Variants in FRMD8 observed in about 807,000 individuals in gnomAD.
The protein encoded by FRMD8 is FERM domain containing 8, also known as FERM domain-containing protein 8.
FRMD8 carries 37 observed loss-of-function variants against 54.2 expected under a neutral mutation model. The observed-to-expected ratio is 0.68, with a 90% CI of 0.53 to 0.90. The LOEUF is 0.90. FRMD8 is among the 40% of genes least tolerant of loss of function. The pLI is 0.00. For synonymous variants in FRMD8, 246 were observed against 286.9 expected (o/e 0.86, Z 1.44); for missense variants, 585 against 653.7 (o/e 0.89, Z 1.15).
At chr11:65,389,653 A>G in intron 3 of FRMD8, 125 bp downstream of exon 3, 1 of 1,023,360 alleles carries the variant, frequency 9.8e-7, no homozygotes, top group Non-Finnish European at 1.4e-6. Flanking sequence ...GAAAGGTGGG[A>G]CTTGGGTTTA....
chr11:65,369,574 C>T, the FRMD8 span, among the ~76,000 whole-genome samples: 3 of 150,184 alleles, frequency 2.0e-5, no homozygotes, highest in Non-Finnish European at 3.0e-5. Flanking sequence ...ACTAAAAATA[C>T]AAAAAATTAG....
Position 65,409,269 on chromosome 11 carries a change from TAG to T in FRMD8, c.1277-1969_1277-1968del, listed in dbSNP as rs1263529474. Among the ~76,000 whole-genome samples the T allele has an allele frequency of 7.2e-5, 11 of 152,166 alleles. No individual in the cohort carries two copies. The South Asian group carries it at 2.3e-3, about 32-fold the overall frequency. On this transcript the variant is annotated intron_variant, in intron 10 of 10. Transcript: ENST00000317568. Reference sequence around the variant, plus strand: ...GCCCGATCAATTTTTGTATCTTTAGTAGAGACAGGGTTTCGCCATGTTGGCCA... The same window carrying T: ...GCCCGATCAATTTTTGTATCTTTAGTAGACAGGGTTTCGCCATGTTGGCCA...
In FRMD8 at chr11:65,400,643, G is replaced by A. The variant is rs565760766; in HGVS notation, c.928-81G>A. Reference sequence around the variant, plus strand: ...CAGCCTTGGAGAGGCACACACCCTGGCCAGGTGTCTGAGTGGGATGGGGTG... The same window carrying A: ...CAGCCTTGGAGAGGCACACACCCTGACCAGGTGTCTGAGTGGGATGGGGTG... On this transcript the variant is annotated intron_variant, in intron 8 of 10. Transcript: ENST00000317568. The surrounding 1 kb of genome is among the most constrained non-coding windows in gnomAD (Gnocchi z 4.3). 1.4e-5 allele frequency: 20 copies of A among 1,390,832 alleles called. No individual in the cohort carries two copies. Among genetic ancestry groups the A allele is most frequent in the Admixed American group, 5.5e-5 (2 of 36,664 alleles). 86.2% of individuals were successfully genotyped at this position (1,390,832 alleles called of 1,614,324 possible). A position where few individuals can be genotyped will look rare whatever the true frequency, so the allele number is the denominator to read the frequency against.
the FRMD8 span, among the ~76,000 whole-genome samples, chr11:65,372,843 C>T: frequency 1.3e-5 from 2 of 152,198 alleles, no homozygotes; most frequent in Non-Finnish European, 1.5e-5. Context: ...CTTCCAGCCA[C>T]GGGCTGCCCA....
At chr11:65,387,384 G>T (rs1033689946) in intron 2 of FRMD8, 3 of 619,288 alleles carry the variant, frequency 4.8e-6, no homozygotes, top group African/African-American at 3.7e-5. Context: ...AATGAAAAGT[G>T]AAGGCTGATG....
In FRMD8 at chr11:65,404,934, A is replaced by G. The variant is rs774004540; in HGVS notation, c.1142A>G (p.Gln381Arg). Residue 381 changes from glutamine to arginine, a missense_variant, in exon 10 of 11, where the codon CAG becomes CGG. Coordinates refer to ENST00000317568, the MANE Select transcript of FRMD8 (RefSeq NM_031904.5). The surrounding 1 kb of genome is among the most constrained non-coding windows in gnomAD (Gnocchi z 4.7). ...CAGGCGGCGGAGCCCGCAGGCCCCC[A>G]GGACAGTGCGACTGGCTCGCCCTCG... ...LSQAAEPAGP[Q>R]DSATGSPSDP... 13 of 1,613,288 alleles carry G rather than the reference A, an allele frequency of 8.1e-6. No homozygotes were observed. The South Asian group carries it at 1.4e-4, about 18-fold the overall frequency.
the FRMD8 span, among the ~76,000 whole-genome samples, chr11:65,373,327 CTTGTGTT>C: frequency 5.9e-5 from 9 of 152,224 alleles, no homozygotes; most frequent in African/African-American, 2.2e-4. Context: ...TCAGGTGGAC[CTTGTGTT>C]TTCCATAGGA....
rs1856151891 is a variant in FRMD8 at position 65,404,646 on chromosome 11, C to G, written c.1072-218C>G. ...TGACCAGAATGTTCTTTCTTTCCCA[C>G]CTGAACTCCCAGATCTGGAGACCCC... is the stretch of plus-strand genomic sequence containing the variant. On this transcript the variant is annotated intron_variant, in intron 9 of 10. Transcript: ENST00000317568. The surrounding 1 kb of genome is among the most constrained non-coding windows in gnomAD (Gnocchi z 4.7). Among the ~76,000 whole-genome samples the G allele has an allele frequency of 6.6e-6, 1 of 152,142 alleles. No homozygotes were observed. Among genetic ancestry groups the G allele is most frequent in the Non-Finnish European group, 1.5e-5 (1 of 68,028 alleles).
At chr11:65,374,578 A>T in the FRMD8 span, among the ~76,000 whole-genome samples, 1 of 152,200 alleles carries the variant, frequency 6.6e-6, no homozygotes, top group Non-Finnish European at 1.5e-5. Flanking sequence ...CTCAGACCAG[A>T]TAGGGACATT....
upstream of FRMD8, chr11:65,382,600 T>G (rs1472442802): frequency 6.5e-6 from 1 of 154,352 alleles, no homozygotes; most frequent in East Asian, 1.9e-4. The surrounding 1 kb of genome is among the most constrained non-coding windows in gnomAD (Gnocchi z 4.4). Flanking sequence ...GGGGTTTTGA[T>G]TATTTAAAGT....
chr11:65,380,490 G>T, the FRMD8 span: 1 of 1,365,576 alleles, frequency 7.3e-7, no homozygotes, highest in Non-Finnish European at 9.8e-7. Context: ...GTATCCCACC[G>T]CCTATGAGCC....
In FRMD8 at chr11:65,400,027, TC is replaced by T; in HGVS notation, c.927+170del. ...CGTAGCCCCTGAGGGTGATCCTGGG[TC>T]CTCTTGCCCAACATGCTAGGCTGTG... On this transcript the variant is annotated intron_variant, in intron 8 of 10. Coordinates refer to ENST00000317568, the MANE Select transcript of FRMD8 (RefSeq NM_031904.5). This position sits in a 1 kb window ranked among gnomAD's most constrained non-coding sequence, Gnocchi z 4.3. 1 of 764,668 alleles carries T rather than the reference TC, an allele frequency of 1.3e-6. No individual in the cohort carries two copies. Among genetic ancestry groups the T allele is most frequent in the South Asian group, 2.0e-5 (1 of 50,526 alleles). 47.4% of individuals were successfully genotyped at this position (764,668 alleles called of 1,614,324 possible).
chr11:65,374,610 A>G, the FRMD8 span, among the ~76,000 whole-genome samples: 1 of 152,146 alleles, frequency 6.6e-6, no homozygotes, highest in Admixed American at 6.6e-5. Flanking sequence ...ATGGCCCTTG[A>G]TGCTCAATTT....
At chr11:65,380,819 G>A in the FRMD8 span, 1 of 333,968 alleles carries the variant, frequency 3.0e-6, no homozygotes, top group African/African-American at 2.2e-5. Context: ...AAGCTGGGCT[G>A]GGACCACAGC....
intron 6 of FRMD8, among the ~76,000 whole-genome samples, chr11:65,395,283 C>T (rs540612154): frequency 1.2e-4 from 18 of 151,982 alleles, no homozygotes; most frequent in Non-Finnish European, 2.2e-4. Flanking sequence ...TGGCTCACGC[C>T]TGTAATCCCA....
chr11:65,373,456 T>G, the FRMD8 span, among the ~76,000 whole-genome samples: 1 of 152,236 alleles, frequency 6.6e-6, no homozygotes, highest in Non-Finnish European at 1.5e-5. Context: ...CACCGATTCT[T>G]AAACTTTAGC....
chr11:65,399,341 C>T (rs558343526), intron 7 of FRMD8, among the ~76,000 whole-genome samples: 50 of 152,266 alleles, frequency 3.3e-4, no homozygotes, highest in African/African-American at 1.1e-3. Context: ...CTCACCTCCT[C>T]GTGCTTCCCA....
At chr11:65,378,773 C>T in the FRMD8 span, 1 of 152,906 alleles carries the variant, frequency 6.5e-6, no homozygotes, top group Non-Finnish European at 1.5e-5. Flanking sequence ...TCACAGGACC[C>T]ATTCAGCACC....
At chr11:65,379,737 G>GC in the FRMD8 span, 1 of 1,326,946 alleles carries the variant, frequency 7.5e-7, no homozygotes. Context: ...TACCACCCAG[G>GC]CCCCCCAAGG....
Sources: allele counts gnomAD v4.1 joint callset (sites outside exome capture counted in the v4.1 genomes callset), GRCh38; gene constraint gnomAD v4.1.1; non-coding constraint Gnocchi (gnomAD v3.1); transcripts MANE v1.5; gene names NCBI Gene and HGNC (gene_info 2026-07-23, HGNC 2026-07-21).